The following SCARA5 variants were observed in gnomAD, a reference collection of about 807,000 sequenced individuals.
The protein encoded by SCARA5 is scavenger receptor class A member 5, also known as scavenger receptor class A, member 5 (putative).
A neutral mutation model predicts 46.3 loss-of-function variants in SCARA5; 45 were observed. That is an observed-to-expected ratio of 0.97 (90% CI 0.76 to 1.24). The LOEUF is 1.24. Among genes scored for constraint, SCARA5 ranks in the 50% most tolerant of loss-of-function variants. SCARA5 has a pLI of 0.00. For missense variants in SCARA5, 680 were observed against 689.0 expected (o/e 0.99, Z 0.15); for synonymous variants, 333 against 306.5 (o/e 1.09, Z -0.90).
chr8:27,984,547 T>TCCATCCATTCATTCAC (rs1200737265), intron 2 of SCARA5, among the ~76,000 whole-genome samples: 6 of 152,156 alleles, frequency 3.9e-5, no homozygotes, highest in African/African-American at 9.7e-5. Flanking sequence ...CATTCATCCA[T>TCCATCCATTCATTCAC]CCATCCATTC....
At chr8:27,966,800 A>G (rs1327112293) in intron 2 of SCARA5, among the ~76,000 whole-genome samples, 2 of 152,196 alleles carry the variant, frequency 1.3e-5, no homozygotes, top group African/African-American at 4.8e-5. Flanking sequence ...GCTCACAAAA[A>G]CCAACTCTTC....
intron 4 of SCARA5, among the ~76,000 whole-genome samples, chr8:27,918,425 ACT>A (rs1403870179): frequency 6.6e-6 from 1 of 151,206 alleles, no homozygotes; most frequent in African/African-American, 2.4e-5. Flanking sequence ...AAATGCAGAA[ACT>A]CAGAAGAGGG....
In SCARA5 at chr8:27,879,580, C is replaced by T. The variant is rs752998049; in HGVS notation, c.1340G>A (p.Arg447Gln). ...TCAGAGCGCCTTACCTTGCCCGAAT[C>T]GAGCTGTGCGGTACACCTCCTCCAC... ...RGVEEVYRTA[R>Q]FGQGTGRIWM... The change falls in exon 8 of 9, where the codon CGA becomes CAA. Residue 447 changes from arginine (R) to glutamine (Q), a missense_variant. This residue lies in a region of SCARA5 where 219 missense variants were observed against 269.5 expected (regional missense o/e 0.81). Transcript: ENST00000354914. The T allele has an allele frequency of 5.6e-6, 9 of 1,607,638 alleles. No homozygotes were observed. Among genetic ancestry groups the T allele is most frequent in the African/African-American group, 1.3e-5 (1 of 74,902 alleles).
intron 4 of SCARA5, among the ~76,000 whole-genome samples, chr8:27,915,112 A>G (rs1879680): frequency 0.96 from 146,180 of 152,252 alleles, 70,475 homozygotes; most frequent in Middle Eastern, 1. Flanking sequence ...CTCAGCAAAC[A>G]GCTCCACTTC....
chr8:27,923,244 C>A (rs1445296257), intron 3 of SCARA5, among the ~76,000 whole-genome samples: 1 of 152,200 alleles, frequency 6.6e-6, no homozygotes, highest in Non-Finnish European at 1.5e-5. Context: ...TCAAGGCCAC[C>A]GTGTCTATTT....
intron 2 of SCARA5, among the ~76,000 whole-genome samples, chr8:27,983,621 T>A (rs566420855): frequency 6.6e-6 from 1 of 152,296 alleles, no homozygotes; most frequent in South Asian, 2.1e-4. Flanking sequence ...TTCTGGGACA[T>A]CTGCCACCTA....
chr8:27,972,120 C>T (rs540336618), intron 2 of SCARA5, among the ~76,000 whole-genome samples: 74 of 152,148 alleles, frequency 4.9e-4, no homozygotes, highest in African/African-American at 1.8e-3. Flanking sequence ...AGTTCAAGAC[C>T]AGCCTGGCCA....
rs1358499116 is a variant in SCARA5, at chr8:27,921,621, A to C, written c.866T>G (p.Leu289Arg). ...MLNAVTEDLR[L>R]KDWEHSIALR... is the part of the protein sequence containing the mutation. ...TGCGATGGAGTGCTCCCAGTCCTTG[A>C]GGCGCAGGTCCTCGGTGACCGCGTT... Residue 289 changes from leucine (L) to arginine (R), a missense_variant, in exon 4 of 9, where the codon CTC becomes CGC. This residue lies in a region of SCARA5 where 438 missense variants were observed against 384.5 expected (regional missense o/e 1.14). Coordinates refer to ENST00000354914, the MANE Select transcript of SCARA5 (RefSeq NM_173833.6). 6.9e-6 allele frequency: 11 copies of C among 1,595,790 alleles called. No individual in the cohort carries two copies. The highest frequency in any genetic ancestry group is 9.4e-6 in the Non-Finnish European group (11 of 1,169,712).
intron 3 of SCARA5, among the ~76,000 whole-genome samples, chr8:27,963,625 A>G (rs899216038): frequency 6.6e-6 from 1 of 152,286 alleles, no homozygotes; most frequent in African/African-American, 2.4e-5. Flanking sequence ...GGCCGGATTA[A>G]CCTTCAAACA....
chr8:27,937,010 G>T (rs1295967143), intron 3 of SCARA5, among the ~76,000 whole-genome samples: 1 of 152,212 alleles, frequency 6.6e-6, no homozygotes, highest in Admixed American at 6.5e-5. Context: ...GGAGGCTAGA[G>T]TGTCTGAAAT....
intron 3 of SCARA5, among the ~76,000 whole-genome samples, chr8:27,927,934 T>C (rs1259143062): frequency 6.6e-6 from 1 of 152,212 alleles, no homozygotes; most frequent in East Asian, 1.9e-4. Flanking sequence ...GTGAGTCTAT[T>C]TGCATTTTAG....
chr8:27,950,161 G>T (rs1005675454), intron 3 of SCARA5, among the ~76,000 whole-genome samples: 2 of 152,162 alleles, frequency 1.3e-5, no homozygotes, highest in Non-Finnish European at 1.5e-5. Flanking sequence ...AGGAGGGGAA[G>T]GGGTCTAGCA....
chr8:27,939,947 C>T (rs1471162733), intron 3 of SCARA5, among the ~76,000 whole-genome samples: 1 of 152,182 alleles, frequency 6.6e-6, no homozygotes, highest in Non-Finnish European at 1.5e-5. Flanking sequence ...CCCTAGGTTG[C>T]GTTAGAGGCC....
intron 7 of SCARA5, among the ~76,000 whole-genome samples, chr8:27,897,708 C>T (rs958545305): frequency 6.6e-6 from 1 of 152,234 alleles, no homozygotes; most frequent in Non-Finnish European, 1.5e-5. Flanking sequence ...GATTAGGCAG[C>T]AGTCAAACTG....
At chr8:27,922,331 A>G in intron 3 of SCARA5, 86 bp from the exon 4 acceptor site, 1 of 880,814 alleles carries the variant, frequency 1.1e-6, no homozygotes, top group Non-Finnish European at 1.7e-6. Context: ...AGAGCCTGGC[A>G]TGCAGTAGGT....
intron 2 of SCARA5, 39 bp downstream of exon 2, chr8:27,987,465 C>G (rs747161412): frequency 2.1e-6 from 3 of 1,458,332 alleles, no homozygotes; most frequent in Admixed American, 1.7e-5. Context: ...CACCCCCAGG[C>G]CAGATCTTGT....
In SCARA5 at chr8:27,962,303, C is replaced by G. The variant is rs17058345; in HGVS notation, c.241+4111G>C. Reference sequence around the variant, plus strand: ...CCTTGAAAGTAATTTTAAAGACTTTCAGATTCACAGTCTCCATAAGGTGAA... The same window carrying G: ...CCTTGAAAGTAATTTTAAAGACTTTGAGATTCACAGTCTCCATAAGGTGAA... On this transcript the variant is annotated intron_variant, in intron 3 of 8. Transcript: ENST00000354914. 7.9e-3 allele frequency among the ~76,000 whole-genome samples: 1,197 copies of G among 152,312 alleles called. 19 individuals are homozygous for G. The highest frequency in any genetic ancestry group is 0.028 in the African/African-American group (1,155 of 41,568).
chr8:27,984,066 C>A (rs958982487), intron 2 of SCARA5, among the ~76,000 whole-genome samples: 2 of 152,254 alleles, frequency 1.3e-5, no homozygotes, highest in Non-Finnish European at 1.5e-5. Context: ...TGCTGGCTCT[C>A]CCTTCCTTTC....
intron 3 of SCARA5, among the ~76,000 whole-genome samples, chr8:27,930,153 T>C (rs968838142): frequency 3.3e-5 from 5 of 152,130 alleles, no homozygotes; most frequent in Admixed American, 3.3e-4. Flanking sequence ...CCAAATCTCA[T>C]CTTGAATTGT....
Sources: gnomAD v4.1 joint callset for allele counts (sites outside exome capture counted in the v4.1 genomes callset) on GRCh38, gnomAD v4.1.1 for gene constraint, gnomAD v4.1.1 regional missense constraint, MANE v1.5 for transcripts, NCBI Gene and HGNC (gene_info 2026-07-23, HGNC 2026-07-21) for gene names.